The following HYDIN variants were observed in gnomAD, a reference collection of about 807,000 sequenced individuals.
HYDIN encodes axonemal central pair apparatus protein HYDIN.
In HYDIN, 132 loss-of-function variants were observed where a neutral mutation model predicts 403.9. The ratio of observed to expected loss-of-function variants is 0.33; its 90% confidence interval spans 0.28 to 0.38. The LOEUF (loss-of-function observed/expected upper bound fraction) is 0.38, where lower values mean the gene tolerates loss of function less well. Among genes scored for constraint, HYDIN ranks in the 10% least tolerant of loss-of-function variants. The pLI is 1.00. For missense variants in HYDIN, 2,827 were observed against 5,009.5 expected, an observed-to-expected ratio of 0.56 and a Z score of 13.15; for synonymous variants, 1,202 against 1,891.7, an observed-to-expected ratio of 0.64 and a Z score of 9.46.
At chr16:71,037,774 G>T (rs1348183437) in intron 18 of HYDIN, among the ~76,000 whole-genome samples, 4 of 152,190 alleles carry the variant, frequency 2.6e-5, no homozygotes, top group Non-Finnish European at 5.9e-5. Flanking sequence ...CCCAGTAGTG[G>T]ATCTTTCCCT....
chr16:71,219,187 T>G (rs1302922005), intron 1 of HYDIN, among the ~76,000 whole-genome samples: 1 of 152,128 alleles, frequency 6.6e-6, no homozygotes, highest in Non-Finnish European at 1.5e-5. Flanking sequence ...TAACTTAGGC[T>G]CATAATAGCA....
intron 70 of HYDIN, 47 bp from the exon 71 acceptor site, chr16:70,860,253 T>G (rs2039324407): frequency 6.3e-7 from 1 of 1,589,728 alleles, no homozygotes; most frequent in Non-Finnish European, 8.6e-7. Context: ...GACAGGGGAT[T>G]GAGGATTAAG....
intron 13 of HYDIN, chr16:71,076,104 G>T (rs1412509007): frequency 5.6e-6 from 1 of 178,404 alleles, no homozygotes; most frequent in Non-Finnish European, 1.2e-5. Context: ...CAACAGGGCT[G>T]CCATAGCAAA....
chr16:71,032,644 C>T (rs2080956414), intron 18 of HYDIN, among the ~76,000 whole-genome samples: 4 of 117,710 alleles, frequency 3.4e-5, no homozygotes, highest in South Asian at 3.0e-4. Context: ...TGCTCCTAGG[C>T]TGAAAACCCG....
intron 1 of HYDIN, among the ~76,000 whole-genome samples, chr16:71,220,635 A>C (rs1269308989): frequency 6.6e-6 from 1 of 152,222 alleles, no homozygotes; most frequent in Admixed American, 6.5e-5. Flanking sequence ...GGTTTCACGA[A>C]AGATTTACTC....
At chr16:71,170,203 G>A (rs1412042629) in intron 5 of HYDIN, among the ~76,000 whole-genome samples, 5 of 152,188 alleles carry the variant, frequency 3.3e-5, no homozygotes, top group African/African-American at 4.8e-5. Flanking sequence ...TACCTCAGGG[G>A]AGCTGAAAAG....
chr16:70,832,724 A>T, intron 80 of HYDIN, 124 bp downstream of exon 80: 1 of 654,828 alleles, frequency 1.5e-6, no homozygotes, highest in East Asian at 2.7e-5. Flanking sequence ...CCAGCAGTGG[A>T]AACGGTGTAT....
chr16:70,884,768 T>G (rs2041027891), intron 58 of HYDIN, among the ~76,000 whole-genome samples: 1 of 152,136 alleles, frequency 6.6e-6, no homozygotes, highest in Non-Finnish European at 1.5e-5. Flanking sequence ...ATGTCCCGGC[T>G]CTTCTCTCTC....
intron 3 of HYDIN, among the ~76,000 whole-genome samples, chr16:71,183,340 T>C (rs143701012): frequency 6.6e-6 from 1 of 152,200 alleles, no homozygotes; most frequent in East Asian, 1.9e-4. Flanking sequence ...ATGCAAGCTG[T>C]AGAAGGGCAG....
In HYDIN at chr16:71,062,171, A is replaced by G. The variant is rs1192891422; in HGVS notation, c.2374T>C (p.Leu792=). The change falls in exon 17 of 86, where the codon TTG becomes CTG. Residue 792 remains leucine (L), a splice_region_variant and synonymous_variant. Transcript: ENST00000393567. ...CAGTTCTGAAAATGGACTCTCACCA[A>G]AGGGGGGTCCTGGCTCCCAAAGATT... ...ISIFGSQDPP[L]VCHLKSAGEG... 1 of 1,275,644 alleles carries G rather than the reference A, an allele frequency of 7.8e-7. No homozygotes were observed. Among genetic ancestry groups the G allele is most frequent in the Non-Finnish European group, 1.1e-6 (1 of 911,258 alleles). The allele number at this position is 1,275,644 out of a possible 1,614,324, so 79.0% of individuals were successfully genotyped here.
intron 1 of HYDIN, among the ~76,000 whole-genome samples, chr16:71,187,344 A>C (rs573346533): frequency 5.9e-5 from 9 of 152,326 alleles, no homozygotes; most frequent in Admixed American, 3.3e-4. Flanking sequence ...AGCTGGACAG[A>C]GATTCGAAAT....
At chr16:71,174,484 C>T (rs1031671812) in intron 5 of HYDIN, among the ~76,000 whole-genome samples, 2 of 152,142 alleles carry the variant, frequency 1.3e-5, no homozygotes, top group Non-Finnish European at 2.9e-5. Context: ...TGATACACAG[C>T]CTGCATTTTG....
At chr16:70,972,869 T>C (rs1468019248) in intron 35 of HYDIN, among the ~76,000 whole-genome samples, 1 of 152,230 alleles carries the variant, frequency 6.6e-6, no homozygotes, top group African/African-American at 2.4e-5. Flanking sequence ...GTTGTACAAA[T>C]AAAGGTTAAA....
chr16:70,908,657 T>C lies in HYDIN; in HGVS notation c.8209A>G (p.Thr2737Ala), dbSNP rs757713920. The C allele has an allele frequency of 6.3e-7, 1 of 1,580,538 alleles. No homozygotes were observed. The highest frequency in any genetic ancestry group is 2.3e-5 in the East Asian group (1 of 43,266). Residue 2737 changes from threonine (T) to alanine (A), a missense_variant, in exon 48 of 86, where the codon ACC (threonine) becomes GCC (alanine). Physicochemically the swap from Thr to Ala is moderately conservative, Grantham distance 58. Transcript: ENST00000393567. ...CTGGGTTGCTGGAAGGCCCACCTGG[T>C]GAATTTCTCCTGGGAGTGCTGCCCG... ...FNGQHSQEKF[T>A]RLNHFRWIVP...
At chr16:70,859,946 T>C (rs2039300408) in intron 71 of HYDIN, 122 bp downstream of exon 71, 4 of 751,408 alleles carry the variant, frequency 5.3e-6, no homozygotes, top group Non-Finnish European at 9.1e-6. Context: ...TACTTGTTGA[T>C]TGATGCACTA....
chr16:70,982,579 T>TAC (rs2079079154), intron 28 of HYDIN, among the ~76,000 whole-genome samples: 1 of 112,094 alleles, frequency 8.9e-6, no homozygotes, highest in Admixed American at 9.5e-5. Flanking sequence ...GCAATATATA[T>TAC]ATATAATATT....
At chr16:70,976,931 G>A (rs1469169798) in intron 30 of HYDIN, among the ~76,000 whole-genome samples, 3 of 151,826 alleles carry the variant, frequency 2.0e-5, no homozygotes, top group African/African-American at 7.2e-5. Context: ...TGACAAACTG[G>A]GAGAGGAGCA....
chr16:70,831,510 GAA>G (rs61309070), intron 80 of HYDIN, among the ~76,000 whole-genome samples: 15 of 38,306 alleles, frequency 3.9e-4, no homozygotes, highest in African/African-American at 4.1e-4. Context: ...CTCTGTCTCA[GAA>G]AAAAAAAAAA....
chr16:70,821,169 TC>T (rs1466622655), intron 83 of HYDIN, among the ~76,000 whole-genome samples: 1 of 152,206 alleles, frequency 6.6e-6, no homozygotes, highest in Non-Finnish European at 1.5e-5. Context: ...CATAAGAACA[TC>T]CACCTTAGAA....
Sources: gnomAD v4.1 joint callset for allele counts (sites outside exome capture counted in the v4.1 genomes callset) on GRCh38, gnomAD v4.1.1 for gene constraint, MANE v1.5 for transcripts, NCBI Gene and HGNC (gene_info 2026-07-23, HGNC 2026-07-21) for gene names.